The following MARK3 variants were observed in gnomAD, a reference collection of about 807,000 sequenced individuals.
MARK3 encodes the protein MAP/microtubule affinity-regulating kinase 3.
In MARK3, 46 loss-of-function variants were observed where a neutral mutation model predicts 90.1. The observed-to-expected ratio is 0.51, with a 90% CI of 0.40 to 0.65. The LOEUF (loss-of-function observed/expected upper bound fraction) is 0.65, where lower values mean the gene tolerates loss of function less well. Among genes scored for constraint, MARK3 ranks in the 30% least tolerant of loss-of-function variants. The pLI is 0.00. For missense variants in MARK3, 818 were observed against 947.2 expected, an observed-to-expected ratio of 0.86 and a Z score of 1.79; for synonymous variants, 321 against 332.6, an observed-to-expected ratio of 0.97 and a Z score of 0.38.
chr14:103,503,116 G>A lies in MARK3; in HGVS notation c.2151G>A (p.Val717=), dbSNP rs1216985110. The part of the protein sequence containing the change: ...AENLVQWEME[V]CKLPRLSLNG... The stretch of plus-strand genomic sequence containing the variant: ...ACCTCGTGCAGTGGGAAATGGAAGT[G>A]TGCAAGCTGCCAAGACTGTCTCTGA... Residue 717 remains valine (V), a synonymous_variant, in exon 18 of 18, where the codon GTG becomes GTA. Coordinates refer to ENST00000429436, the MANE Select transcript of MARK3 (RefSeq NM_001128918.3). 1.2e-6 allele frequency: 2 copies of A among 1,614,230 alleles called. No individual in the cohort carries two copies. Among genetic ancestry groups the A allele is most frequent in the Non-Finnish European group, 1.7e-6 (2 of 1,180,042 alleles).
intron 14 of MARK3, among the ~76,000 whole-genome samples, chr14:103,485,063 C>CAAAAAAAAAAAAAAAAAAAA (rs34312214): frequency 4.1e-5 from 4 of 97,748 alleles, no homozygotes; most frequent in Non-Finnish European, 6.0e-5. Flanking sequence ...ACTAAAAATA[C>CAAAAAAAAAAAAAAAAAAAA]AAAAAAAAAA....
intron 15 of MARK3, among the ~76,000 whole-genome samples, chr14:103,497,123 A>G (rs1429688004): frequency 6.6e-6 from 1 of 152,200 alleles, no homozygotes; most frequent in African/African-American, 2.4e-5. Context: ...TTCAACTAAA[A>G]TATTTTGGAT....
At chr14:103,484,056 C>T (rs1419995736) in intron 14 of MARK3, among the ~76,000 whole-genome samples, 2 of 152,116 alleles carry the variant, frequency 1.3e-5, no homozygotes, top group Non-Finnish European at 2.9e-5. Context: ...TCTGCTCCTA[C>T]GATTTCATAT....
chr14:103,472,960 T>G (rs572750906), intron 12 of MARK3, among the ~76,000 whole-genome samples: 1 of 149,948 alleles, frequency 6.7e-6, no homozygotes, highest in African/African-American at 2.5e-5. Flanking sequence ...GAGCCAAGAT[T>G]GAGCCACTGC....
At chr14:103,454,893 C>A (rs767405487) in intron 5 of MARK3, among the ~76,000 whole-genome samples, 8 of 152,196 alleles carry the variant, frequency 5.3e-5, no homozygotes, top group Non-Finnish European at 8.8e-5. Context: ...CATCCAGCCA[C>A]CTGTTCCTGC....
At chr14:103,425,446 A>G (rs1220961955) in intron 2 of MARK3, among the ~76,000 whole-genome samples, 1 of 151,870 alleles carries the variant, frequency 6.6e-6, no homozygotes, top group Non-Finnish European at 1.5e-5. Context: ...TATTTTTAGT[A>G]GAGACGGGGT....
At chr14:103,414,944 G>A (rs145216728) in intron 2 of MARK3, among the ~76,000 whole-genome samples, 2 of 151,630 alleles carry the variant, frequency 1.3e-5, no homozygotes, top group African/African-American at 4.9e-5. Flanking sequence ...CTGAGGTCAG[G>A]AGTTTGGGAC....
At chr14:103,472,098 C>T (rs758039017) in intron 12 of MARK3, among the ~76,000 whole-genome samples, 6 of 151,146 alleles carry the variant, frequency 4.0e-5, no homozygotes, top group African/African-American at 1.5e-4. Context: ...ATAGTCCCAG[C>T]TACTCAGGAG....
intron 3 of MARK3, among the ~76,000 whole-genome samples, chr14:103,442,143 C>T (rs938546564): frequency 1.3e-5 from 2 of 151,872 alleles, no homozygotes; most frequent in Non-Finnish European, 2.9e-5. Flanking sequence ...CTGAGGTGGG[C>T]GGATCATGAG....
intron 1 of MARK3, among the ~76,000 whole-genome samples, chr14:103,400,827 C>T (rs1250657873): frequency 5.5e-5 from 8 of 145,270 alleles, no homozygotes; most frequent in Admixed American, 1.5e-4. Context: ...TCCAGGAGTT[C>T]GAGGCTGCAG....
chr14:103,428,579 A>G (rs1272984523), intron 3 of MARK3, 139 bp downstream of exon 3: 3 of 603,304 alleles, frequency 5.0e-6, no homozygotes, highest in African/African-American at 4.0e-5. Flanking sequence ...ATGCAACTTA[A>G]TGTAGTATTT....
At chr14:103,484,609 G>A (rs1043814369) in intron 14 of MARK3, among the ~76,000 whole-genome samples, 3 of 152,236 alleles carry the variant, frequency 2.0e-5, no homozygotes, top group African/African-American at 7.2e-5. Context: ...AGGACACTTA[G>A]CGTATGTATC....
At chr14:103,477,155 A>T (rs184366901) in intron 13 of MARK3, among the ~76,000 whole-genome samples, 1 of 152,324 alleles carries the variant, frequency 6.6e-6, no homozygotes, top group Admixed American at 6.5e-5. Flanking sequence ...AAGCTGTAGT[A>T]AAAGTGACTG....
chr14:103,387,618 G>A (rs758254387), intron 1 of MARK3, among the ~76,000 whole-genome samples: 3 of 151,776 alleles, frequency 2.0e-5, no homozygotes, highest in Non-Finnish European at 2.9e-5. Flanking sequence ...TCAGCCTCCC[G>A]AGTAGCTGGG....
At chr14:103,497,237 G>A (rs755698636) in intron 15 of MARK3, among the ~76,000 whole-genome samples, 1 of 152,102 alleles carries the variant, frequency 6.6e-6, no homozygotes, top group Non-Finnish European at 1.5e-5. Flanking sequence ...TGAAGTGGTT[G>A]GCAGTTATTT....
chr14:103,448,041 G>A (rs2093039405), intron 3 of MARK3, among the ~76,000 whole-genome samples: 1 of 152,164 alleles, frequency 6.6e-6, no homozygotes, highest in African/African-American at 2.4e-5. Flanking sequence ...CCAAAGTGCT[G>A]GGATTACAGG....
At chr14:103,483,598 C>T (rs2093866600) in intron 14 of MARK3, among the ~76,000 whole-genome samples, 1 of 151,984 alleles carries the variant, frequency 6.6e-6, no homozygotes, top group Non-Finnish European at 1.5e-5. Context: ...ATCAGCTTTC[C>T]TGTGGGAACA....
intron 2 of MARK3, among the ~76,000 whole-genome samples, chr14:103,409,516 A>G (rs921088797): frequency 6.8e-6 from 1 of 147,212 alleles, no homozygotes; most frequent in Admixed American, 6.8e-5. Flanking sequence ...TTTTTTGCCT[A>G]TTGTAGATAT....
At chr14:103,404,620 A>G (rs1206738999) in intron 1 of MARK3, among the ~76,000 whole-genome samples, 1 of 152,218 alleles carries the variant, frequency 6.6e-6, no homozygotes, top group Non-Finnish European at 1.5e-5. Context: ...GCAGTGTAGT[A>G]TAGAAGGAAA....
Sources: gnomAD v4.1 joint callset for allele counts (sites outside exome capture counted in the v4.1 genomes callset) on GRCh38, gnomAD v4.1.1 for gene constraint, MANE v1.5 for transcripts, NCBI Gene and HGNC (gene_info 2026-07-23, HGNC 2026-07-21) for gene names.